Variants in SLC18A2 observed in about 807,000 individuals in gnomAD.
SLC18A2 encodes solute carrier family 18 member A2, also known as synaptic vesicular amine transporter.
In SLC18A2, 33 loss-of-function variants were observed where a neutral mutation model predicts 59.2. The observed-to-expected ratio is 0.56, with a 90% CI of 0.42 to 0.75. SLC18A2 has a LOEUF of 0.75. Ranked by LOEUF, SLC18A2 falls within the 30% of genes least tolerant of loss-of-function variation. The probability of loss-of-function intolerance (pLI) is 0.00; values close to 1 mark genes in which losing one functional copy is unlikely to be tolerated. For missense variants in SLC18A2, 569 were observed against 668.6 expected (o/e 0.85, Z 1.64); for synonymous variants, 228 against 253.5 (o/e 0.90, Z 0.95).
At chr10:117,250,675 G>T (rs1171727133) in intron 3 of SLC18A2, among the ~76,000 whole-genome samples, 2 of 152,186 alleles carry the variant, frequency 1.3e-5, no homozygotes, top group Non-Finnish European at 2.9e-5. Flanking sequence ...GGGTATGCCC[G>T]TAGCCTTGAA....
At chr10:117,265,071 G>T (rs1844334136) in intron 10 of SLC18A2, among the ~76,000 whole-genome samples, 1 of 152,234 alleles carries the variant, frequency 6.6e-6, no homozygotes, top group African/African-American at 2.4e-5. Context: ...GTAAATGTTT[G>T]CTCAATCAGA....
chr10:117,257,397 AAC>A (rs1844242779), intron 9 of SLC18A2, among the ~76,000 whole-genome samples: 1 of 152,084 alleles, frequency 6.6e-6, no homozygotes, highest in Non-Finnish European at 1.5e-5. Flanking sequence ...TGCACAGTAA[AAC>A]ACAGATGCGA....
chr10:117,275,124 G>A (rs934542841), intron 15 of SLC18A2, among the ~76,000 whole-genome samples: 4 of 152,130 alleles, frequency 2.6e-5, no homozygotes, highest in South Asian at 2.1e-4. Context: ...TGGGGAGAAC[G>A]GTCCTGGTGT....
chr10:117,245,259 T>C (rs1844098714), intron 3 of SLC18A2, among the ~76,000 whole-genome samples: 1 of 152,060 alleles, frequency 6.6e-6, no homozygotes, highest in Non-Finnish European at 1.5e-5. Flanking sequence ...GGGAGGGGTG[T>C]GCCCAGAGTC....
chr10:117,247,210 G>A (rs1339933918), intron 3 of SLC18A2, among the ~76,000 whole-genome samples: 1 of 152,174 alleles, frequency 6.6e-6, no homozygotes, highest in East Asian at 1.9e-4. Context: ...CCATGAGCAA[G>A]ATGTATGACT....
intron 9 of SLC18A2, among the ~76,000 whole-genome samples, chr10:117,257,111 C>T (rs781579557): frequency 6.6e-6 from 1 of 152,144 alleles, no homozygotes; most frequent in Non-Finnish European, 1.5e-5. Context: ...CACGATTGCA[C>T]AATATTCTTT....
rs968290955 is a variant in SLC18A2 at position 117,277,521 on chromosome 10, A to G, written c.*255A>G. ...TTAATTTTATTAAATATCATACAAT[A>G]TATTTTGATGAAATAGGTATTGTGT... On this transcript the variant is annotated 3_prime_UTR_variant, in exon 16 of 16. Transcript: ENST00000644641. 9.1e-6 allele frequency: 2 copies of G among 219,936 alleles called. No individual in the cohort carries two copies. The highest frequency in any genetic ancestry group is 1.8e-5 in the Non-Finnish European group (2 of 112,792). 13.6% of individuals were successfully genotyped at this position (219,936 alleles called of 1,614,324 possible).
In SLC18A2 at chr10:117,254,400, T is replaced by C; in HGVS notation, c.608-5T>C. On this transcript the variant is annotated splice_region_variant and splice_polypyrimidine_tract_variant and intron_variant, in intron 5 of 15. Transcript: ENST00000644641. The stretch of plus-strand genomic sequence containing the variant: ...GGCCTGTTGACTATTTCTTTCCCTG[T>C]GTAGGGATGGGCATGCTTGCCAGTG... 1.3e-6 allele frequency: 2 copies of C among 1,581,276 alleles called. No homozygotes were observed. Among genetic ancestry groups the C allele is most frequent in the Non-Finnish European group, 1.7e-6 (2 of 1,162,316 alleles).
intron 3 of SLC18A2, among the ~76,000 whole-genome samples, chr10:117,245,202 C>T (rs1382854397): frequency 1.3e-5 from 2 of 152,102 alleles, no homozygotes; most frequent in South Asian, 2.1e-4. Flanking sequence ...CTGCCAAGTG[C>T]GCAGTGTAGC....
At chr10:117,255,701 T>C in intron 9 of SLC18A2, 44 bp downstream of exon 9, 2 of 1,583,594 alleles carry the variant, frequency 1.3e-6, no homozygotes, top group Non-Finnish European at 1.7e-6. Flanking sequence ...TGCGAGGTGA[T>C]GGCCGCGTGC....
intron 3 of SLC18A2, among the ~76,000 whole-genome samples, chr10:117,246,907 G>A (rs1475752861): frequency 3.3e-5 from 5 of 152,170 alleles, no homozygotes; most frequent in Admixed American, 1.3e-4. Flanking sequence ...GCCCACCTCG[G>A]CCTCCCAAAG....
At position 117,269,199 on chromosome 10, in the gene SLC18A2, A is replaced by G. The variant is rs1403207613; in HGVS notation, c.1187-872A>G. Among the ~76,000 whole-genome samples the G allele has an allele frequency of 3.2e-5, 3 of 94,176 alleles. No homozygotes were observed. Among genetic ancestry groups the G allele is most frequent in the East Asian group, 6.0e-4 (2 of 3,344 alleles). 61.8% of individuals were successfully genotyped at this position (94,176 alleles called of 152,430 possible). On this transcript the variant is annotated intron_variant, in intron 13 of 15. Transcript: ENST00000644641. This position sits in a 1 kb window ranked among gnomAD's most constrained non-coding sequence, Gnocchi z 5.1. ...TATACACACATACACACACACCTAC[A>G]CACATACACATACACACACATACAC...
intron 3 of SLC18A2, among the ~76,000 whole-genome samples, chr10:117,248,288 G>T (rs774871688): frequency 7.6e-4 from 115 of 152,168 alleles, no homozygotes; most frequent in Admixed American, 3.7e-3. Flanking sequence ...TTAAATATTC[G>T]ATAAGTTCTC....
chr10:117,249,021 A>G (rs2133729200), intron 3 of SLC18A2, among the ~76,000 whole-genome samples: 1 of 152,350 alleles, frequency 6.6e-6, no homozygotes, highest in South Asian at 2.1e-4. Context: ...ACAAGGAGGA[A>G]GCCACAGGGC....
At chr10:117,257,694 G>A (rs1416740382) in intron 9 of SLC18A2, 103 bp from the exon 10 acceptor site, 5 of 579,184 alleles carry the variant, frequency 8.6e-6, no homozygotes, top group Non-Finnish European at 1.2e-5. Context: ...CTTAATGAAA[G>A]TAGAAGTTGC....
At chr10:117,254,955 C>T (rs554034684) in intron 6 of SLC18A2, among the ~76,000 whole-genome samples, 6 of 152,322 alleles carry the variant, frequency 3.9e-5, no homozygotes, top group East Asian at 3.9e-4. Flanking sequence ...GCCTTGCCTG[C>T]GCTGGTGTAC....
At chr10:117,243,406 T>C (rs996890077) in intron 2 of SLC18A2, among the ~76,000 whole-genome samples, 4 of 152,180 alleles carry the variant, frequency 2.6e-5, no homozygotes. Context: ...AGCAGCTGCC[T>C]TTTGAGAGGA....
intron 10 of SLC18A2, among the ~76,000 whole-genome samples, chr10:117,258,731 T>A (rs1312468786): frequency 1.3e-5 from 2 of 151,044 alleles, no homozygotes; most frequent in African/African-American, 4.9e-5. Flanking sequence ...GCTGATACCC[T>A]TATGTCTCTA....
chr10:117,270,232 C>T, intron 14 of SLC18A2, 42 bp downstream of exon 14: 1 of 1,613,670 alleles, frequency 6.2e-7, no homozygotes, highest in East Asian at 2.2e-5. Context: ...TACCTCAATA[C>T]GTAATGGATA....
Sources: allele counts gnomAD v4.1 joint callset (sites outside exome capture counted in the v4.1 genomes callset), GRCh38; gene constraint gnomAD v4.1.1; non-coding constraint Gnocchi (gnomAD v3.1); transcripts MANE v1.5; gene names NCBI Gene and HGNC (gene_info 2026-07-23, HGNC 2026-07-21).